The following SGSM3 variants were observed in gnomAD, a reference collection of about 807,000 sequenced individuals.
The protein encoded by SGSM3 is RUN and SH3 containing 3.
A neutral mutation model predicts 100.5 loss-of-function variants in SGSM3; 96 were observed. The observed-to-expected ratio is 0.96, with a 90% CI of 0.81 to 1.13. SGSM3 has a LOEUF of 1.13. Ranked by LOEUF, SGSM3 falls within the 50% of genes most tolerant of loss-of-function variation. The probability of loss-of-function intolerance (pLI) is 0.00; values close to 1 mark genes in which losing one functional copy is unlikely to be tolerated. For missense variants in SGSM3, 1,001 were observed against 1,015.8 expected, an observed-to-expected ratio of 0.99 and a Z score of 0.20; for synonymous variants, 483 against 422.8, an observed-to-expected ratio of 1.14 and a Z score of -1.75.
At chr22:40,404,531 G>C in intron 5 of SGSM3, 26 bp from the exon 6 acceptor site, 1 of 1,611,356 alleles carries the variant, frequency 6.2e-7, no homozygotes, top group Middle Eastern at 1.7e-4. Context: ...GAAAGACTGA[G>C]TGCCCTTGCG....
chr22:40,380,718 T>C (rs1234070443), intron 1 of SGSM3, among the ~76,000 whole-genome samples: 1 of 152,106 alleles, frequency 6.6e-6, no homozygotes, highest in Non-Finnish European at 1.5e-5. Context: ...GGATGACTGA[T>C]TGAGCCCAGG....
rs750363692 is a variant in SGSM3 at position 40,407,084 on chromosome 22, C to T, written c.1240+13C>T. 23 of 1,599,736 alleles carry T rather than the reference C, an allele frequency of 1.4e-5. No homozygotes were observed. The Admixed American group carries it at 2.3e-4, about 16-fold the overall frequency. ...GCTCTGCTCTTCGGTGAGAGCTCTG[C>T]GAGTGCCAGGCAGTGTGGGCATGCG... is the stretch of plus-strand genomic sequence containing the variant. On this transcript the variant is annotated intron_variant, in intron 11 of 21. Transcript: ENST00000248929. The surrounding 1 kb of genome is among the most constrained non-coding windows in gnomAD (Gnocchi z 4.7).
rs767099803 is a variant in SGSM3 at position 40,407,618 on chromosome 22, C to T, written c.1524+50C>T. ...GGTCCTCAGGCTGTGGCGGGTTCCCCAGACTCCCTCCACCAAGCCCCACCC... is the reference window on the plus strand; with the variant it reads ...GGTCCTCAGGCTGTGGCGGGTTCCCTAGACTCCCTCCACCAAGCCCCACCC... On this transcript the variant is annotated intron_variant, in intron 13 of 21. Transcript: ENST00000248929. The surrounding 1 kb of genome is among the most constrained non-coding windows in gnomAD (Gnocchi z 4.7). 3.8e-6 allele frequency: 6 copies of T among 1,587,354 alleles called. No individual in the cohort carries two copies. The South Asian group carries it at 4.4e-5, about 12-fold the overall frequency.
At chr22:40,375,307 T>C (rs918297586) in intron 1 of SGSM3, among the ~76,000 whole-genome samples, 2 of 152,176 alleles carry the variant, frequency 1.3e-5, no homozygotes, top group African/African-American at 4.8e-5. Flanking sequence ...AGGCCGGTTG[T>C]GGTGGCTCAC....
chr22:40,407,445 C>T lies in SGSM3; in HGVS notation c.1401C>T (p.His467=). The change falls in exon 13 of 22, where the codon CAC becomes CAT. Residue 467 remains histidine (H), a synonymous_variant. Coordinates refer to ENST00000248929, the MANE Select transcript of SGSM3 (RefSeq NM_015705.6). The surrounding 1 kb of genome is among the most constrained non-coding windows in gnomAD (Gnocchi z 4.7). Reference sequence around the variant, plus strand: ...CTCCAGACTATAGCATGGAGAGCCACCAGCGGGACCACGAGAACTACGTGG... The same window carrying T: ...CTCCAGACTATAGCATGGAGAGCCATCAGCGGGACCACGAGAACTACGTGG... The part of the protein sequence containing the change: ...ELTPDYSMES[H]QRDHENYVAC... The T allele has an allele frequency of 6.2e-7, 1 of 1,612,690 alleles. No homozygotes were observed. The highest frequency in any genetic ancestry group is 1.1e-5 in the South Asian group (1 of 91,084).
chr22:40,408,181 A>T, intron 15 of SGSM3, 61 bp downstream of exon 15: 3 of 1,606,726 alleles, frequency 1.9e-6, no homozygotes, highest in Non-Finnish European at 2.6e-6. Context: ...CTGCGTGCCT[A>T]GCGAGTCCTG....
At chr22:40,379,806 C>A (rs539174914) in intron 1 of SGSM3, among the ~76,000 whole-genome samples, 2 of 152,066 alleles carry the variant, frequency 1.3e-5, no homozygotes, top group Admixed American at 6.6e-5. Flanking sequence ...CCTCCCAGGC[C>A]CAAGCAATCC....
At chr22:40,370,814 G>C (rs1327772597) in intron 1 of SGSM3, 126 bp downstream of exon 1, 2 of 152,216 alleles carry the variant, frequency 1.3e-5, no homozygotes, top group South Asian at 2.1e-4. Context: ...GCGCCCACGA[G>C]AGAAGCACCG....
At chr22:40,405,095 G>T in intron 6 of SGSM3, 46 bp from the exon 7 acceptor site, 1 of 1,466,210 alleles carries the variant, frequency 6.8e-7, no homozygotes, top group Non-Finnish European at 9.0e-7. Flanking sequence ...CCCTCCCAGG[G>T]TGTCACAAGG....
intron 1 of SGSM3, among the ~76,000 whole-genome samples, chr22:40,375,548 C>G (rs2046402967): frequency 6.6e-6 from 1 of 151,564 alleles, no homozygotes; most frequent in Non-Finnish European, 1.5e-5. Context: ...TCATTGCACT[C>G]CAGCCTGGGT....
At chr22:40,406,781 G>T in intron 10 of SGSM3, 119 bp downstream of exon 10, 1 of 960,194 alleles carries the variant, frequency 1.0e-6, no homozygotes, top group Non-Finnish European at 1.6e-6. Context: ...CTGCCCCCCA[G>T]CCTGGCCCAG....
At chr22:40,374,620 C>T (rs891055590) in intron 1 of SGSM3, among the ~76,000 whole-genome samples, 5 of 152,218 alleles carry the variant, frequency 3.3e-5, no homozygotes, top group South Asian at 2.1e-4. Flanking sequence ...CGGCGGCTCA[C>T]GCCTGTAATC....
At chr22:40,404,485 T>A (rs374271690) in intron 5 of SGSM3, 30 bp downstream of exon 5, 2 of 1,609,950 alleles carry the variant, frequency 1.2e-6, no homozygotes, top group South Asian at 2.2e-5. Flanking sequence ...CCACAGGGTG[T>A]TGAGAGGGTC....
chr22:40,385,265 TG>T (rs1258018767), intron 1 of SGSM3, among the ~76,000 whole-genome samples: 1 of 152,182 alleles, frequency 6.6e-6, no homozygotes, highest in Non-Finnish European at 1.5e-5. Context: ...AGTTGATTGA[TG>T]AAGCATGGGC....
In SGSM3 at chr22:40,408,429, GGTAA is replaced by G. The variant is rs769867662; in HGVS notation, c.1782+3_1782+6del. ...GCCACCCCTGGCTGTTTATCGAGGA[GGTAA>G]GTCAGTGGCTGGGCCCATGACCCCC... On this transcript the variant is annotated splice_donor_variant and splice_donor_region_variant and intron_variant, in intron 16 of 21. Transcript: ENST00000248929. LOFTEE classifies it high-confidence loss of function. 4 of 1,613,422 alleles carry G rather than the reference GGTAA, an allele frequency of 2.5e-6. No homozygotes were observed. Among genetic ancestry groups the G allele is most frequent in the Admixed American group, 1.7e-5 (1 of 60,024 alleles).
In SGSM3 at chr22:40,407,393, G is replaced by T; in HGVS notation, c.1369-20G>T. ...CTAACTCCTCCAACCCCCTTGGTGG[G>T]CCTGTGTTCACTGTGGCAGGAGCTG... On this transcript the variant is annotated intron_variant, in intron 12 of 21. Transcript: ENST00000248929. This position sits in a 1 kb window ranked among gnomAD's most constrained non-coding sequence, Gnocchi z 4.7. 1 of 1,611,428 alleles carries T rather than the reference G, an allele frequency of 6.2e-7. No individual in the cohort carries two copies. Among genetic ancestry groups the T allele is most frequent in the South Asian group, 1.1e-5 (1 of 91,046 alleles).
chr22:40,403,770 G>C (rs1269237066), intron 4 of SGSM3, among the ~76,000 whole-genome samples: 1 of 152,202 alleles, frequency 6.6e-6, no homozygotes, highest in Admixed American at 6.5e-5. Flanking sequence ...CTGCTGAGGG[G>C]AACAGCCTTT....
intron 1 of SGSM3, among the ~76,000 whole-genome samples, chr22:40,375,004 T>G (rs891005046): frequency 3.3e-5 from 5 of 152,218 alleles, no homozygotes; most frequent in Non-Finnish European, 5.9e-5. Context: ...GCTACATATA[T>G]AATCACCTCC....
chr22:40,400,874 A>G lies in SGSM3; in HGVS notation c.7+61A>G. ...AAGCTCTCACAGAGGAGCCAGAGGG[A>G]TGGAAGGTGGCTTGTTTTCCATAAA... On this transcript the variant is annotated intron_variant, in intron 2 of 21. Transcript: ENST00000248929. 3.4e-6 allele frequency: 5 copies of G among 1,466,788 alleles called. No individual in the cohort carries two copies. In the South Asian group the frequency reaches 5.3e-5, roughly 16 times the overall value. The allele number at this position is 1,466,788 out of a possible 1,614,324, so 90.9% of individuals were successfully genotyped here.
Sources: allele counts gnomAD v4.1 joint callset (sites outside exome capture counted in the v4.1 genomes callset), GRCh38; gene constraint gnomAD v4.1.1; non-coding constraint Gnocchi (gnomAD v3.1); transcripts MANE v1.5; gene names NCBI Gene and HGNC (gene_info 2026-07-23, HGNC 2026-07-21).